The following PIK3C3 variants were observed in gnomAD, a reference collection of about 807,000 sequenced individuals.
PIK3C3 encodes PI3-kinase type 3.
PIK3C3 carries 95 observed loss-of-function variants against 126.1 expected under a neutral mutation model. That is an observed-to-expected ratio of 0.75 (90% CI 0.64 to 0.89). PIK3C3 has a LOEUF of 0.89. Among genes scored for constraint, PIK3C3 ranks in the 40% least tolerant of loss-of-function variants. The pLI, the probability that PIK3C3 is intolerant of heterozygous loss-of-function variation, is 0.00. For synonymous variants in PIK3C3, 374 were observed against 360.0 expected (o/e 1.04, Z -0.44); for missense variants, 829 against 1,063.2 (o/e 0.78, Z 3.06).
At chr18:42,025,107 C>T (rs1427190646) in intron 13 of PIK3C3, among the ~76,000 whole-genome samples, 5 of 152,182 alleles carry the variant, frequency 3.3e-5, no homozygotes, top group East Asian at 3.9e-4. Context: ...CCACCACGCC[C>T]GGCCAACATA....
chr18:42,084,160 C>G lies in PIK3C3; in HGVS notation c.*3023C>G, dbSNP rs1306809445. ...ACAGGAAAAATGAATCTTGCCAATG[C>G]AATTGTTAACCTACAACCATAATAT... On this transcript the variant is annotated 3_prime_UTR_variant, in exon 25 of 25. Coordinates refer to ENST00000262039, the MANE Select transcript of PIK3C3 (RefSeq NM_002647.4). 6.6e-6 allele frequency: 1 copy of G among 152,106 alleles called. No homozygotes were observed. Among genetic ancestry groups the G allele is most frequent in the African/African-American group, 2.4e-5 (1 of 41,408 alleles). The allele number at this position is 152,106 out of a possible 1,614,324, so 9.4% of individuals were successfully genotyped here. A position where few individuals can be genotyped will look rare whatever the true frequency, so the allele number is the denominator to read the frequency against.
chr18:41,981,812 A>T (rs1457768971), intron 4 of PIK3C3, among the ~76,000 whole-genome samples: 1 of 151,264 alleles, frequency 6.6e-6, no homozygotes, highest in South Asian at 2.1e-4. Flanking sequence ...ATACAAAAAA[A>T]AAAAAAAGAA....
At chr18:42,068,565 G>A (rs1424033011) in intron 24 of PIK3C3, among the ~76,000 whole-genome samples, 1 of 151,918 alleles carries the variant, frequency 6.6e-6, no homozygotes, top group African/African-American at 2.4e-5. Flanking sequence ...CCTTTATTAC[G>A]ACTTGCACTT....
rs763656314 is a variant in PIK3C3, at chr18:42,027,545, G to A, written c.1587G>A (p.Leu529=). 6.3e-7 allele frequency: 1 copy of A among 1,599,590 alleles called. No individual in the cohort carries two copies. Among genetic ancestry groups the A allele is most frequent in the South Asian group, 1.1e-5 (1 of 90,582 alleles). The change falls in exon 14 of 25, where the codon TTG becomes TTA. Residue 529 remains leucine, a synonymous_variant. Coordinates refer to ENST00000262039, the MANE Select transcript of PIK3C3 (RefSeq NM_002647.4). ...NVMRRFSQAL[L]KGDKSVRVMR... is the part of the protein sequence containing the mutation. ...TGAGAAGATTCAGCCAAGCATTGTT[G>A]AAGGTAACCCTTAAATGTGAGGGTT...
intron 12 of PIK3C3, among the ~76,000 whole-genome samples, chr18:42,019,449 C>A (rs1983223726): frequency 6.6e-6 from 1 of 152,148 alleles, no homozygotes; most frequent in African/African-American, 2.4e-5. Flanking sequence ...CTTTTGGTTG[C>A]ACATTCTTTT....
intron 4 of PIK3C3, among the ~76,000 whole-genome samples, chr18:41,975,065 G>C (rs1482451601): frequency 6.6e-6 from 1 of 152,222 alleles, no homozygotes; most frequent in Non-Finnish European, 1.5e-5. Context: ...GAATGTTGTT[G>C]AGTAGAGTAT....
intron 22 of PIK3C3, among the ~76,000 whole-genome samples, chr18:42,063,653 AT>A (rs1985414640): frequency 6.6e-6 from 1 of 152,150 alleles, no homozygotes; most frequent in African/African-American, 2.4e-5. Flanking sequence ...ACTTATATGG[AT>A]AGTCATTTTT....
intron 24 of PIK3C3, among the ~76,000 whole-genome samples, chr18:42,069,146 G>T (rs1242480064): frequency 6.6e-6 from 1 of 152,084 alleles, no homozygotes; most frequent in Non-Finnish European, 1.5e-5. Flanking sequence ...TCAATAAAAA[G>T]GTGTTTTTCC....
intron 11 of PIK3C3, among the ~76,000 whole-genome samples, chr18:42,015,148 AAGAG>A (rs746137828): frequency 1.3e-5 from 2 of 152,186 alleles, no homozygotes; most frequent in East Asian, 1.9e-4. Context: ...TATTTTTAAA[AAGAG>A]AGAATCTTGG....
chr18:42,051,811 A>AT (rs1016534042), intron 21 of PIK3C3, among the ~76,000 whole-genome samples: 7 of 152,064 alleles, frequency 4.6e-5, no homozygotes, highest in Non-Finnish European at 1.0e-4. Flanking sequence ...AAATGATTCC[A>AT]TTTTTTTCCA....
At chr18:42,027,359 T>C (rs1226286515) in intron 13 of PIK3C3, 84 bp from the exon 14 acceptor site, 2 of 615,320 alleles carry the variant, frequency 3.3e-6, no homozygotes, top group Non-Finnish European at 2.8e-6. Context: ...TAAATTAATC[T>C]GTTTTAGTGA....
At chr18:42,039,344 A>G (rs1984200457) in intron 18 of PIK3C3, among the ~76,000 whole-genome samples, 1 of 151,974 alleles carries the variant, frequency 6.6e-6, no homozygotes, top group African/African-American at 2.4e-5. Context: ...TGCCTTAATT[A>G]CTCTTCTCAG....
chr18:42,074,046 C>T (rs1484958668), intron 24 of PIK3C3, among the ~76,000 whole-genome samples: 3 of 152,154 alleles, frequency 2.0e-5, no homozygotes, highest in South Asian at 2.1e-4. Context: ...GGTGTTAACT[C>T]TTCCATTTTT....
At chr18:41,982,174 A>G (rs1348570810) in intron 4 of PIK3C3, among the ~76,000 whole-genome samples, 2 of 152,214 alleles carry the variant, frequency 1.3e-5, no homozygotes, top group African/African-American at 4.8e-5. Context: ...ATTAGAGTCA[A>G]AAGAGTTAAG....
At chr18:42,063,741 A>G (rs1406176257) in intron 22 of PIK3C3, among the ~76,000 whole-genome samples, 1 of 152,092 alleles carries the variant, frequency 6.6e-6, no homozygotes, top group Non-Finnish European at 1.5e-5. Flanking sequence ...TTTTATTATT[A>G]TTATTATTAT....
intron 4 of PIK3C3, among the ~76,000 whole-genome samples, chr18:41,981,673 A>G (rs1981206284): frequency 6.6e-6 from 1 of 152,054 alleles, no homozygotes; most frequent in South Asian, 2.1e-4. Context: ...ATTACGGCAT[A>G]GCTTGGCCGG....
chr18:42,008,362 A>G (rs572846782), intron 10 of PIK3C3, among the ~76,000 whole-genome samples: 1 of 152,306 alleles, frequency 6.6e-6, no homozygotes, highest in African/African-American at 2.4e-5. Flanking sequence ...AGAAAGCAAT[A>G]TGAGCAAGAG....
chr18:42,070,334 A>G (rs1985722441), intron 24 of PIK3C3, among the ~76,000 whole-genome samples: 2 of 152,236 alleles, frequency 1.3e-5, no homozygotes, highest in South Asian at 4.1e-4. Flanking sequence ...ACTGCCACTC[A>G]GCTAATGTGC....
chr18:42,037,582 T>A, intron 16 of PIK3C3, 110 bp from the exon 17 acceptor site: 1 of 936,942 alleles, frequency 1.1e-6, no homozygotes, highest in Non-Finnish European at 1.6e-6. Flanking sequence ...GTTTTTTAGG[T>A]CCTATTTACC....
Sources: gnomAD v4.1 joint callset for allele counts (sites outside exome capture counted in the v4.1 genomes callset) on GRCh38, gnomAD v4.1.1 for gene constraint, MANE v1.5 for transcripts, NCBI Gene and HGNC (gene_info 2026-07-23, HGNC 2026-07-21) for gene names.